CCBE1: variants seen among roughly 807,000 people sequenced by gnomAD.
CCBE1 encodes collagen and calcium-binding EGF domain-containing protein 1.
A neutral mutation model predicts 50.0 loss-of-function variants in CCBE1; 37 were observed. The observed-to-expected ratio is 0.74, with a 90% confidence interval of 0.57 to 0.97. The LOEUF is 0.97. Ranked by LOEUF, CCBE1 falls within the 50% of genes least tolerant of loss-of-function variation. The pLI, the probability that CCBE1 is intolerant of heterozygous loss-of-function variation, is 0.00. For missense variants in CCBE1, 538 were observed against 523.8 expected (o/e 1.03, Z -0.26); for synonymous variants, 234 against 203.7 (o/e 1.15, Z -1.27).
chr18:59,484,189 G>T (rs552784048), intron 2 of CCBE1, among the ~76,000 whole-genome samples: 2 of 152,012 alleles, frequency 1.3e-5, no homozygotes, highest in African/African-American at 4.8e-5. Context: ...AAAATTTTAC[G>T]GTTATTCCTT....
intron 2 of CCBE1, among the ~76,000 whole-genome samples, chr18:59,512,392 C>T (rs1000413155): frequency 1.3e-5 from 2 of 152,252 alleles, no homozygotes; most frequent in African/African-American, 2.4e-5. Context: ...CATCTGTATG[C>T]TCCCCTCAAG....
chr18:59,534,570 T>A (rs4940467), intron 2 of CCBE1, among the ~76,000 whole-genome samples: 1 of 152,064 alleles, frequency 6.6e-6, no homozygotes, highest in Admixed American at 6.5e-5. Context: ...TCTCACAGTG[T>A]GGTCTCTAGC....
chr18:59,452,060 C>T (rs1385859517), intron 6 of CCBE1, among the ~76,000 whole-genome samples: 1 of 152,168 alleles, frequency 6.6e-6, no homozygotes, highest in Admixed American at 6.5e-5. Context: ...CTTTAAGTTT[C>T]CTGTTGCCTG....
rs1200010918 is a variant in CCBE1, at chr18:59,533,013, A to G, written c.213-52775T>C. ...GAGGAACCAGAATGAGAAGGTCAAC[A>G]TAAAAGCAAAGTATTGCATTTGATT... On this transcript the variant is annotated intron_variant, in intron 2 of 10. Transcript: ENST00000439986. Among the ~76,000 whole-genome samples, 4 of 152,252 alleles carry G rather than the reference A, an allele frequency of 2.6e-5. No individual in the cohort carries two copies. In the East Asian group the frequency reaches 7.7e-4, roughly 29 times the overall value.
At chr18:59,548,842 A>G (rs1421767473) in intron 2 of CCBE1, among the ~76,000 whole-genome samples, 1 of 152,180 alleles carries the variant, frequency 6.6e-6, no homozygotes, top group Non-Finnish European at 1.5e-5. Context: ...CAATTGTAAC[A>G]CAATGGTAAG....
chr18:59,548,953 A>G (rs1465483171), intron 2 of CCBE1, among the ~76,000 whole-genome samples: 5 of 152,014 alleles, frequency 3.3e-5, no homozygotes, highest in Non-Finnish European at 7.4e-5. Context: ...AAATACAAAA[A>G]TTAGCCGGGC....
chr18:59,539,351 C>CA (rs1915379880), intron 2 of CCBE1, among the ~76,000 whole-genome samples: 1 of 152,142 alleles, frequency 6.6e-6, no homozygotes, highest in Non-Finnish European at 1.5e-5. Context: ...GGGCAACAGT[C>CA]AGCGAAGAAC....
At chr18:59,604,075 T>C (rs2053464927) in intron 2 of CCBE1, among the ~76,000 whole-genome samples, 1 of 152,184 alleles carries the variant, frequency 6.6e-6, no homozygotes, top group South Asian at 2.1e-4. Context: ...TGGTACTTTA[T>C]CTCCTCTTAT....
Position 59,436,022 on chromosome 18 carries a change from A to C in CCBE1, c.1107T>G (p.Pro369=). 1 of 1,614,154 alleles carries C rather than the reference A, an allele frequency of 6.2e-7. No individual in the cohort carries two copies. The highest frequency in any genetic ancestry group is 8.5e-7 in the Non-Finnish European group (1 of 1,180,036). The part of the protein sequence containing the change: ...HRTHSSAEEF[P]LPQEFPSYPE... The stretch of plus-strand genomic sequence containing the variant: ...GGTAGCTGGGAAATTCCTGAGGTAA[A>C]GGGAACTCCTCTGCTGAAGAGTGAG... Residue 369 remains proline, a synonymous_variant, in exon 11 of 11, where the codon CCT becomes CCG. Transcript: ENST00000439986.
At chr18:59,495,669 G>A (rs934879315) in intron 2 of CCBE1, among the ~76,000 whole-genome samples, 2 of 151,374 alleles carry the variant, frequency 1.3e-5, no homozygotes, top group African/African-American at 4.9e-5. Context: ...TATGTGAGCA[G>A]CTATGACTTG....
intron 2 of CCBE1, among the ~76,000 whole-genome samples, chr18:59,636,916 A>G (rs1383176626): frequency 6.6e-6 from 1 of 152,322 alleles, no homozygotes; most frequent in East Asian, 1.9e-4. Context: ...GATTACCTTG[A>G]TAGTGTCTTT....
At chr18:59,609,811 C>T (rs2053546629) in intron 2 of CCBE1, among the ~76,000 whole-genome samples, 1 of 152,158 alleles carries the variant, frequency 6.6e-6, no homozygotes, top group African/African-American at 2.4e-5. Flanking sequence ...ACCAGAAAAC[C>T]TACCCATACA....
intron 2 of CCBE1, among the ~76,000 whole-genome samples, chr18:59,549,444 C>T (rs186729920): frequency 1.2e-3 from 181 of 152,264 alleles, no homozygotes; most frequent in African/African-American, 3.9e-3. Context: ...CAACGCCAAC[C>T]GAATTAAGAG....
intron 2 of CCBE1, among the ~76,000 whole-genome samples, chr18:59,491,495 A>C (rs1913092588): frequency 6.6e-6 from 1 of 152,236 alleles, no homozygotes; most frequent in Non-Finnish European, 1.5e-5. Flanking sequence ...GAAATGAGAA[A>C]ACATTATATT....
intron 2 of CCBE1, among the ~76,000 whole-genome samples, chr18:59,520,819 T>A (rs756401276): frequency 6.6e-6 from 1 of 152,246 alleles, no homozygotes; most frequent in African/African-American, 2.4e-5. Context: ...AACATGTTTT[T>A]TCAAAATCAT....
chr18:59,693,513 T>C (rs1425762928), intron 2 of CCBE1, among the ~76,000 whole-genome samples: 1 of 152,106 alleles, frequency 6.6e-6, no homozygotes, highest in Non-Finnish European at 1.5e-5. Flanking sequence ...TTGAAGAACA[T>C]GGTTAAATCT....
rs1484278048 is a variant in CCBE1 at position 59,583,678 on chromosome 18, TGTGCGCGCGC to T, written c.213-103450_213-103441del. Among the ~76,000 whole-genome samples, 222 of 58,574 alleles carry T rather than the reference TGTGCGCGCGC, an allele frequency of 3.8e-3. 3 individuals are homozygous for T. In the East Asian group the frequency reaches 0.14, roughly 37 times the overall value. The allele number at this position is 58,574 out of a possible 152,430, so 38.4% of individuals were successfully genotyped here. On this transcript the variant is annotated intron_variant, in intron 2 of 10. Transcript: ENST00000439986. The stretch of plus-strand genomic sequence containing the variant: ...GCGTGTGTGTGTGTGTGTGTGTGTG[TGTGCGCGCGC>T]GCGCGCGCGCGCGTGTGTGTGTATG...
At chr18:59,623,510 A>T (rs2053739147) in intron 2 of CCBE1, among the ~76,000 whole-genome samples, 1 of 152,164 alleles carries the variant, frequency 6.6e-6, no homozygotes, top group South Asian at 2.1e-4. Context: ...CCTCTTACTG[A>T]GCAAAGTCTG....
At chr18:59,611,164 C>G (rs1450912283) in intron 2 of CCBE1, among the ~76,000 whole-genome samples, 1 of 152,220 alleles carries the variant, frequency 6.6e-6, no homozygotes. Flanking sequence ...GTATGAGCAA[C>G]GCAGTCTTAA....
Sources: gnomAD v4.1 joint callset for allele counts (sites outside exome capture counted in the v4.1 genomes callset) on GRCh38, gnomAD v4.1.1 for gene constraint, MANE v1.5 for transcripts, NCBI Gene and HGNC (gene_info 2026-07-23, HGNC 2026-07-21) for gene names.